Variants in WWP2 observed in about 807,000 individuals in gnomAD.
WWP2 encodes the protein WW domain containing E3 ubiquitin protein ligase 2.
In WWP2, 57 loss-of-function variants were observed where a neutral mutation model predicts 121.0. The ratio of observed to expected loss-of-function variants is 0.47; its 90% confidence interval spans 0.38 to 0.59. The LOEUF (loss-of-function observed/expected upper bound fraction) is 0.59, where lower values mean the gene tolerates loss of function less well. WWP2 is among the 20% of genes least tolerant of loss of function. WWP2 has a pLI of 0.00. For synonymous variants in WWP2, 449 were observed against 441.3 expected, an observed-to-expected ratio of 1.02 and a Z score of -0.22; for missense variants, 962 against 1,158.9, an observed-to-expected ratio of 0.83 and a Z score of 2.47.
intron 6 of WWP2, among the ~76,000 whole-genome samples, chr16:69,854,121 T>C (rs1224164592): frequency 2.0e-5 from 3 of 152,234 alleles, no homozygotes; most frequent in African/African-American, 7.2e-5. Flanking sequence ...GATCTGTATC[T>C]GGATTCTACT....
chr16:69,834,285 C>G (rs2056838456), intron 4 of WWP2, among the ~76,000 whole-genome samples: 1 of 152,140 alleles, frequency 6.6e-6, no homozygotes, highest in African/African-American at 2.4e-5. Flanking sequence ...GCTAGGCATG[C>G]TCTCTCACCT....
intron 2 of WWP2, among the ~76,000 whole-genome samples, chr16:69,787,519 G>T (rs562158713): frequency 6.6e-6 from 1 of 152,304 alleles, no homozygotes; most frequent in South Asian, 2.1e-4. Flanking sequence ...GAGCCTGGGA[G>T]TTCAAGGCTG....
chr16:69,814,117 G>C (rs1390565390), intron 4 of WWP2, among the ~76,000 whole-genome samples: 1 of 152,128 alleles, frequency 6.6e-6, no homozygotes, highest in Non-Finnish European at 1.5e-5. Flanking sequence ...AACCACTTGA[G>C]GGAAAATAAA....
intron 8 of WWP2, among the ~76,000 whole-genome samples, chr16:69,891,918 G>A (rs2151942897): frequency 6.6e-6 from 1 of 152,296 alleles, no homozygotes; most frequent in Middle Eastern, 3.4e-3. Flanking sequence ...ATCAAGCCCT[G>A]CCTCTGGGCC....
chr16:69,904,208 T>C (rs947252261), intron 8 of WWP2, among the ~76,000 whole-genome samples: 8 of 152,364 alleles, frequency 5.3e-5, no homozygotes, highest in Middle Eastern at 3.4e-3. Flanking sequence ...ATTTGGAGAA[T>C]TGCTGTGAAG....
chr16:69,898,822 G>A (rs2058150223), intron 8 of WWP2, among the ~76,000 whole-genome samples: 1 of 152,110 alleles, frequency 6.6e-6, no homozygotes, highest in African/African-American at 2.4e-5. Flanking sequence ...TCTTGCCTCA[G>A]CCTCTGGAGT....
intron 18 of WWP2, 35 bp downstream of exon 18, chr16:69,936,021 T>C (rs1230578388): frequency 6.2e-7 from 1 of 1,606,578 alleles, no homozygotes; most frequent in Non-Finnish European, 8.5e-7. Context: ...ACCGCGCTGA[T>C]AGGAGGGACG....
At chr16:69,872,146 T>G (rs995796501) in intron 7 of WWP2, among the ~76,000 whole-genome samples, 17 of 152,226 alleles carry the variant, frequency 1.1e-4, no homozygotes, top group Non-Finnish European at 2.1e-4. Flanking sequence ...TCCATATGAC[T>G]GCGCTCTTCT....
At chr16:69,847,968 T>C (rs2057117088) in intron 6 of WWP2, among the ~76,000 whole-genome samples, 1 of 152,176 alleles carries the variant, frequency 6.6e-6, no homozygotes, top group Non-Finnish European at 1.5e-5. Flanking sequence ...CTGCTCCTCC[T>C]AGCACCTCAC....
chr16:69,931,020 A>T, intron 13 of WWP2, 132 bp from the exon 14 acceptor site: 1 of 803,464 alleles, frequency 1.2e-6, no homozygotes. Context: ...GATCTTAATG[A>T]CAGTCACTTC....
chr16:69,802,044 C>G (rs1313333807), intron 4 of WWP2, among the ~76,000 whole-genome samples: 1 of 151,944 alleles, frequency 6.6e-6, no homozygotes, highest in Non-Finnish European at 1.5e-5. Flanking sequence ...ATTCTCCTGC[C>G]TCAGCCTCCC....
intron 4 of WWP2, among the ~76,000 whole-genome samples, chr16:69,837,611 C>T (rs1200113830): frequency 6.6e-6 from 1 of 152,094 alleles, no homozygotes; most frequent in African/African-American, 2.4e-5. Context: ...TGGGTTCCTC[C>T]ACTCTCCTGT....
chr16:69,790,362 A>T (rs577705545), intron 2 of WWP2, among the ~76,000 whole-genome samples: 1 of 152,314 alleles, frequency 6.6e-6, no homozygotes, highest in African/African-American at 2.4e-5. Flanking sequence ...ATAAGGAGGA[A>T]AAAAATTTTA....
chr16:69,920,736 A>AT (rs2058548752), intron 10 of WWP2, among the ~76,000 whole-genome samples: 1 of 152,138 alleles, frequency 6.6e-6, no homozygotes, highest in Non-Finnish European at 1.5e-5. Context: ...GCAGTGACCT[A>AT]TAATAGTGCC....
At chr16:69,854,531 G>A (rs1567381763) in intron 6 of WWP2, among the ~76,000 whole-genome samples, 1 of 150,084 alleles carries the variant, frequency 6.7e-6, no homozygotes, top group Non-Finnish European at 1.5e-5. Context: ...AATTCTGTAT[G>A]TAGGCTTTTC....
intron 1 of WWP2, among the ~76,000 whole-genome samples, chr16:69,778,016 G>C (rs1370798053): frequency 1.3e-5 from 2 of 150,274 alleles, no homozygotes; most frequent in Non-Finnish European, 3.0e-5. Context: ...GCTGCAGTGA[G>C]CCATGATTGT....
rs770835960 is a variant in WWP2 at position 69,875,679 on chromosome 16, A to G, written c.703+3748A>G. On this transcript the variant is annotated intron_variant, in intron 7 of 23. Transcript: ENST00000359154. ...AAGAAACTGCTTTCTTTGCTCATCC[A>G]TAAGACACAACTCCTAATCTATTCC... 4.6e-5 allele frequency among the ~76,000 whole-genome samples: 7 copies of G among 152,350 alleles called. No individual in the cohort carries two copies. In the East Asian group the frequency reaches 9.6e-4, roughly 21 times the overall value.
chr16:69,798,720 C>G lies in WWP2; in HGVS notation c.109C>G (p.Arg37Gly), dbSNP rs548693533. 1 of 1,614,082 alleles carries G rather than the reference C, an allele frequency of 6.2e-7. No individual in the cohort carries two copies. Among genetic ancestry groups the G allele is most frequent in the Non-Finnish European group, 8.5e-7 (1 of 1,180,014 alleles). Residue 37 changes from arginine (R) to glycine (G), a missense_variant, in exon 3 of 24, where the codon CGA becomes GGA. Arg to Gly is a moderately radical substitution (Grantham distance 125). Around this residue, in one of 3 missense-constraint regions of WWP2, gnomAD observed 145 missense variants for 189.8 expected, o/e 0.76. Coordinates refer to ENST00000359154, the MANE Select transcript of WWP2 (RefSeq NM_001270454.2). The stretch of plus-strand genomic sequence containing the variant: ...GCCCAAGGTGCATAATCGTCAACCT[C>G]GAATTAACTCCTACGTGGAGGTGGC... ...AKPKVHNRQP[R>G]INSYVEVAVD...
Position 69,930,133 on chromosome 16 carries a change from G to T in WWP2, c.1320G>T (p.Met440Ile). ...CCTTTTCTTCCCGTGTTTCCAGGATGATCCAGGAACCAGCTCTGCCCCCAG... is the reference window on the plus strand; with the variant it reads ...CCTTTTCTTCCCGTGTTTCCAGGATTATCCAGGAACCAGCTCTGCCCCCAG... ...TQWEDPRTQG[M>I]IQEPALPPGW... The change falls in exon 13 of 24, where the codon ATG becomes ATT. Residue 440 changes from methionine (M) to isoleucine (I), a missense_variant. This residue lies in a region of WWP2 where 606 missense variants were observed against 772.6 expected (regional missense o/e 0.78). Transcript: ENST00000359154. 1 of 1,614,018 alleles carries T rather than the reference G, an allele frequency of 6.2e-7. No individual in the cohort carries two copies.
Sources: gnomAD v4.1 joint callset for allele counts (sites outside exome capture counted in the v4.1 genomes callset) on GRCh38, gnomAD v4.1.1 for gene constraint, gnomAD v4.1.1 regional missense constraint, MANE v1.5 for transcripts, NCBI Gene and HGNC (gene_info 2026-07-23, HGNC 2026-07-21) for gene names.